Variants in BRINP3 observed in about 807,000 individuals in gnomAD.
BRINP3 encodes the protein BMP/retinoic acid inducible neural specific 3, also known as BMP/retinoic acid-inducible neural-specific protein 3.
In BRINP3, 19 loss-of-function variants were observed where a neutral mutation model predicts 71.0. The ratio of observed to expected loss-of-function variants is 0.27; its 90% CI spans 0.19 to 0.39. BRINP3 has a LOEUF of 0.39. Ranked by LOEUF, BRINP3 falls within the 10% of genes least tolerant of loss-of-function variation. The pLI, the probability that BRINP3 is intolerant of heterozygous loss-of-function variation, is 1.00. For synonymous variants in BRINP3, 380 were observed against 337.7 expected (o/e 1.13, Z -1.37); for missense variants, 959 against 940.8 (o/e 1.02, Z -0.25).
At chr1:190,141,930 G>A (rs906027386) in intron 7 of BRINP3, among the ~76,000 whole-genome samples, 4 of 151,918 alleles carry the variant, frequency 2.6e-5, no homozygotes, top group African/African-American at 9.7e-5. Context: ...AGTAGTTAAT[G>A]TGAGGATCAA....
chr1:190,370,165 A>T (rs769524508), intron 2 of BRINP3, among the ~76,000 whole-genome samples: 11 of 152,192 alleles, frequency 7.2e-5, no homozygotes, highest in Non-Finnish European at 1.5e-4. Flanking sequence ...TAATCCATGA[A>T]TGCATACACA....
At chr1:190,197,535 C>T (rs182032917) in intron 6 of BRINP3, among the ~76,000 whole-genome samples, 14 of 152,216 alleles carry the variant, frequency 9.2e-5, no homozygotes, top group South Asian at 8.3e-4. Flanking sequence ...CATTCCAAAT[C>T]GGGGAAATTG....
chr1:190,314,963 CA>C (rs1665783482), intron 2 of BRINP3, among the ~76,000 whole-genome samples: 1 of 152,110 alleles, frequency 6.6e-6, no homozygotes, highest in Admixed American at 6.6e-5. Context: ...TGGACTTTAT[CA>C]GGGGGCTAAA....
chr1:190,196,352 C>T (rs944471346), intron 6 of BRINP3, among the ~76,000 whole-genome samples: 11 of 152,144 alleles, frequency 7.2e-5, no homozygotes, highest in Non-Finnish European at 1.5e-5. Flanking sequence ...GCTTGTTCAA[C>T]ACCAGATAAT....
intron 2 of BRINP3, among the ~76,000 whole-genome samples, chr1:190,421,715 C>T (rs564876980): frequency 4.7e-4 from 72 of 151,766 alleles, no homozygotes; most frequent in African/African-American, 1.6e-3. Flanking sequence ...TAGTTCTGTG[C>T]CATTAGACAA....
At chr1:190,251,836 A>C (rs1660174503) in intron 4 of BRINP3, among the ~76,000 whole-genome samples, 2 of 151,750 alleles carry the variant, frequency 1.3e-5, no homozygotes, top group Non-Finnish European at 2.9e-5. Context: ...ATGGCTCATA[A>C]ACCATGCTCA....
chr1:190,100,050 G>T (rs927844432), intron 7 of BRINP3, among the ~76,000 whole-genome samples: 2 of 152,108 alleles, frequency 1.3e-5, no homozygotes, highest in African/African-American at 4.8e-5. Context: ...ATGATCATGG[G>T]AAAAGTTGCA....
intron 5 of BRINP3, among the ~76,000 whole-genome samples, chr1:190,233,799 A>G (rs968863936): frequency 6.6e-6 from 1 of 152,212 alleles, no homozygotes; most frequent in African/African-American, 2.4e-5. Flanking sequence ...TCTTGTGAAT[A>G]AAATACTCTT....
intron 1 of BRINP3, among the ~76,000 whole-genome samples, chr1:190,456,808 A>G (rs1378685271): frequency 6.6e-6 from 1 of 152,024 alleles, no homozygotes; most frequent in Admixed American, 6.6e-5. Context: ...GTAATTTTTC[A>G]TTTCATAAAG....
At chr1:190,172,552 G>A (rs1354595921) in intron 6 of BRINP3, among the ~76,000 whole-genome samples, 1 of 152,050 alleles carries the variant, frequency 6.6e-6, no homozygotes, top group Non-Finnish European at 1.5e-5. Flanking sequence ...CTCAGATTGT[G>A]GCATTAATAA....
chr1:190,396,670 A>AT (rs1470890705), intron 2 of BRINP3, among the ~76,000 whole-genome samples: 4 of 146,806 alleles, frequency 2.7e-5, no homozygotes, highest in African/African-American at 7.4e-5. Flanking sequence ...ACAGAGATGC[A>AT]TATGTATACA....
At position 190,229,952 on chromosome 1, in the gene BRINP3, CAG is replaced by C. The variant is rs564936176; in HGVS notation, c.725-3636_725-3635del. ...CATGATCAAAAATTTAATAACAAAA[CAG>C]ACAATATGGCAAGGAACTAGAAATT... On this transcript the variant is annotated intron_variant, in intron 5 of 7. Transcript: ENST00000367462. Among the ~76,000 whole-genome samples the C allele has an allele frequency of 4.6e-5, 7 of 151,706 alleles. 1 individual carries two copies. In the South Asian group the frequency reaches 1.0e-3, roughly 23 times the overall value.
intron 2 of BRINP3, among the ~76,000 whole-genome samples, chr1:190,423,286 T>C (rs1673497721): frequency 6.6e-6 from 1 of 151,700 alleles, no homozygotes; most frequent in South Asian, 2.1e-4. Context: ...TGAAAATTTC[T>C]TTTTCACTGT....
chr1:190,199,779 A>C (rs10920660), intron 6 of BRINP3, among the ~76,000 whole-genome samples: 19,251 of 150,622 alleles, frequency 0.13, 1,895 homozygotes, highest in South Asian at 0.26. Flanking sequence ...AGGAAAAAAA[A>C]AAAAACAAAA....
At chr1:190,099,874 C>T (rs927827055) in intron 7 of BRINP3, among the ~76,000 whole-genome samples, 4 of 152,042 alleles carry the variant, frequency 2.6e-5, no homozygotes, top group African/African-American at 7.2e-5. Context: ...TTTTTTTTCT[C>T]ATCAGGTTAA....
chr1:190,311,184 C>A (rs1665492957), intron 2 of BRINP3, among the ~76,000 whole-genome samples: 1 of 151,592 alleles, frequency 6.6e-6, no homozygotes, highest in African/African-American at 2.4e-5. Flanking sequence ...TAAATGACTG[C>A]AGTTTGAAAA....
chr1:190,220,539 A>AT lies in BRINP3; in HGVS notation c.961+5542dup, dbSNP rs575478870. ...CATGTAACGCAGAACTTAAAGTATA[A>AT]TTTTTTTTAAAAAAGAAGCAAATAA... is the stretch of plus-strand genomic sequence containing the variant. On this transcript the variant is annotated intron_variant, in intron 6 of 7. Transcript: ENST00000367462. 4.3e-4 allele frequency among the ~76,000 whole-genome samples: 65 copies of AT among 152,102 alleles called. No homozygotes were observed. The South Asian group carries it at 6.8e-3, about 16-fold the overall frequency.
rs1223752738 is a variant in BRINP3 at position 190,245,857 on chromosome 1, G to GT, written c.619-11381dup. On this transcript the variant is annotated intron_variant, in intron 4 of 7. Transcript: ENST00000367462. ...TATGAGTGAGAACATGCGGTGTTTGGTTTTTTTGTCCTTGCGATAGTTTGC... is the reference window on the plus strand; with the variant it reads ...TATGAGTGAGAACATGCGGTGTTTGGTTTTTTTTGTCCTTGCGATAGTTTGC... Among the ~76,000 whole-genome samples, 6 of 149,514 alleles carry GT rather than the reference G, an allele frequency of 4.0e-5. No individual in the cohort carries two copies. In the East Asian group the frequency reaches 6.0e-4, roughly 15 times the overall value.
At chr1:190,365,473 A>C (rs1416928218) in intron 2 of BRINP3, among the ~76,000 whole-genome samples, 1 of 150,348 alleles carries the variant, frequency 6.7e-6, no homozygotes, top group Non-Finnish European at 1.5e-5. Context: ...TTAAACAAAT[A>C]TTATAATATT....
Sources: gnomAD v4.1 joint callset for allele counts (sites outside exome capture counted in the v4.1 genomes callset) on GRCh38, gnomAD v4.1.1 for gene constraint, MANE v1.5 for transcripts, NCBI Gene and HGNC (gene_info 2026-07-23, HGNC 2026-07-21) for gene names.